TNRC18: variants seen among roughly 807,000 people sequenced by gnomAD.
The protein encoded by TNRC18 is trinucleotide repeat-containing gene 18 protein.
Under a neutral mutation model 226.7 loss-of-function variants are expected in TNRC18, and 69 were observed. The observed-to-expected ratio is 0.30, with a 90% CI of 0.25 to 0.37. The LOEUF (loss-of-function observed/expected upper bound fraction) is 0.37. Ranked by LOEUF, TNRC18 falls within the 10% of genes least tolerant of loss-of-function variation. The pLI is 1.00. For missense variants in TNRC18, 4,754 were observed against 4,256.6 expected (o/e 1.12, Z -3.25); for synonymous variants, 2,449 against 1,927.6 (o/e 1.27, Z -7.09).
In TNRC18 at chr7:5,332,834, C is replaced by T. The variant is rs1003577671; in HGVS notation, c.5935G>A (p.Glu1979Lys). The T allele has an allele frequency of 6.6e-7, 1 of 1,508,988 alleles. No individual in the cohort carries two copies. The highest frequency in any genetic ancestry group is 8.8e-7 in the Non-Finnish European group (1 of 1,137,916). 93.5% of individuals were successfully genotyped at this position (1,508,988 alleles called of 1,614,324 possible). A position where few individuals can be genotyped will look rare whatever the true frequency, so the allele number is the denominator to read the frequency against. The change falls in exon 19 of 30, where the codon GAG (glutamate) becomes AAG (lysine). Residue 1979 changes from glutamate (E) to lysine (K), a missense_variant. Glu to Lys is a moderately conservative substitution (Grantham distance 56, BLOSUM62 1). Coordinates refer to ENST00000430969, the MANE Select transcript of TNRC18 (RefSeq NM_001080495.3). ...TCGGGCCCCGCCTCGAAGCCAGGCTCCTTGGGGCCCCGCAGCTTCCGGGCC... is the reference window on the plus strand; with the variant it reads ...TCGGGCCCCGCCTCGAAGCCAGGCTTCTTGGGGCCCCGCAGCTTCCGGGCC... ...RKARKLRGPK[E>K]PGFEAGPEAS...
In TNRC18 at chr7:5,345,763, C is replaced by T; in HGVS notation, c.5518G>A (p.Asp1840Asn). The change falls in exon 18 of 30, where the codon GAC becomes AAC. Residue 1840 changes from aspartate (D) to asparagine (N), a missense_variant. Coordinates refer to ENST00000430969, the MANE Select transcript of TNRC18 (RefSeq NM_001080495.3). ...EDEEEELEEE[D>N]EASGGGYRLG... ...CTGTAGCCACCACCGCTGGCCTCGTCCTCCTCCTCGAGCTCCTCCTCCTCG... is the reference window on the plus strand; with the variant it reads ...CTGTAGCCACCACCGCTGGCCTCGTTCTCCTCCTCGAGCTCCTCCTCCTCG... The T allele has an allele frequency of 1.3e-6, 2 of 1,547,328 alleles. No homozygotes were observed. The highest frequency in any genetic ancestry group is 2.4e-5 in the South Asian group (2 of 83,542).
intron 15 of TNRC18, among the ~76,000 whole-genome samples, chr7:5,358,286 C>T (rs916200752): frequency 1.3e-5 from 2 of 152,126 alleles, no homozygotes; most frequent in Admixed American, 6.5e-5. Flanking sequence ...TTTGTTGAAG[C>T]GAAACACGCA....
intron 21 of TNRC18, among the ~76,000 whole-genome samples, chr7:5,322,594 C>G (rs532849888): frequency 2.6e-4 from 40 of 152,368 alleles, no homozygotes; most frequent in African/African-American, 9.4e-4. Flanking sequence ...ACCCCACCTA[C>G]CTCTGAGACT....
chr7:5,360,645 G>A (rs935966123), intron 14 of TNRC18, among the ~76,000 whole-genome samples: 4 of 152,140 alleles, frequency 2.6e-5, no homozygotes, highest in Non-Finnish European at 4.4e-5. Flanking sequence ...TTTAACCAGT[G>A]CAGGCCACAC....
rs768261389 is a variant in TNRC18 at position 5,313,442 on chromosome 7, G to C, written c.7449C>G (p.Leu2483=). ...AGCCCCCCGCCCCCGGATCCTCCCG[G>C]AGCAGCAGGGCCTCTTTAGCCTTCT... ...KSKKAKEALL[L]REDPGAGGWQ... The change falls in exon 27 of 30, where the codon CTC becomes CTG. Residue 2483 remains leucine, a synonymous_variant. Coordinates refer to ENST00000430969, the MANE Select transcript of TNRC18 (RefSeq NM_001080495.3). The C allele has an allele frequency of 2.5e-6, 4 of 1,611,602 alleles. No individual in the cohort carries two copies. The highest frequency in any genetic ancestry group is 3.4e-6 in the Non-Finnish European group (4 of 1,179,126).
At chr7:5,404,140 AG>A (rs1245405222) in intron 2 of TNRC18, among the ~76,000 whole-genome samples, 2 of 152,238 alleles carry the variant, frequency 1.3e-5, no homozygotes, top group Non-Finnish European at 2.9e-5. Context: ...TGGGAGGCCA[AG>A]GCGGTTCGAT....
At chr7:5,333,153 A>G (rs1789732328) in intron 18 of TNRC18, 104 bp from the exon 19 acceptor site, 2 of 1,289,472 alleles carry the variant, frequency 1.6e-6, no homozygotes, top group South Asian at 2.6e-5. Context: ...CTCCCCGCCA[A>G]TGGCAGCGCT....
At position 5,377,470 on chromosome 7, in the gene TNRC18, A is replaced by G; in HGVS notation, c.2362T>C (p.Ser788Pro). The change falls in exon 7 of 30, where the codon TCA becomes CCA. Residue 788 changes from serine to proline, a missense_variant. Physicochemically the swap from Ser to Pro is moderately conservative, Grantham distance 74 (BLOSUM62 -1). Coordinates refer to ENST00000430969, the MANE Select transcript of TNRC18 (RefSeq NM_001080495.3). The surrounding 1 kb of genome is among the most constrained non-coding windows in gnomAD (Gnocchi z 5.8). Reference protein sequence around the residue: ...MVTGGPALAGSGRWSADPAAH... With the variant: ...MVTGGPALAGPGRWSADPAAH... The stretch of plus-strand genomic sequence containing the variant: ...GCGGGGTCGGCAGACCAGCGACCTG[A>G]GCCCGCCAGCGCCGGGCCCCCCGTC... The G allele has an allele frequency of 6.3e-7, 1 of 1,575,722 alleles. No individual in the cohort carries two copies. Among genetic ancestry groups the G allele is most frequent in the Non-Finnish European group, 8.6e-7 (1 of 1,162,144 alleles).
rs1780596387 is a variant in TNRC18 at position 5,395,323 on chromosome 7, C to T, written c.188-728G>A. Among the ~76,000 whole-genome samples, 4 of 152,192 alleles carry T rather than the reference C, an allele frequency of 2.6e-5. No individual in the cohort carries two copies. In the South Asian group the frequency reaches 8.3e-4, roughly 32 times the overall value. ...GGGAGCCCCGTGGAGGGCAACCCCT[C>T]CAGACAGCAGGCCCCACCCCGGGGT... On this transcript the variant is annotated intron_variant, in intron 2 of 29. Transcript: ENST00000430969.
Position 5,313,551 on chromosome 7 carries a change from C to G in TNRC18, c.7340G>C (p.Gly2447Ala), listed in dbSNP as rs1354665990. 2 of 1,608,964 alleles carry G rather than the reference C, an allele frequency of 1.2e-6. No individual in the cohort carries two copies. Among genetic ancestry groups the G allele is most frequent in the Non-Finnish European group, 1.7e-6 (2 of 1,178,032 alleles). The change falls in exon 27 of 30, where the codon GGT becomes GCT. Residue 2447 changes from glycine (G) to alanine (A), a missense_variant. Gly to Ala is a moderately conservative substitution (Grantham distance 60, BLOSUM62 0). Coordinates refer to ENST00000430969, the MANE Select transcript of TNRC18 (RefSeq NM_001080495.3). ...PKKARAAEES[G>A]AKGPRRPGEE... ...CCCCGGCCTCCGAGGGCCCTTGGCA[C>G]CCGACTCCTCGGCTGCCCGCGCCTT... is the stretch of plus-strand genomic sequence containing the variant.
chr7:5,422,442 A>G (rs1782639634), intron 1 of TNRC18, among the ~76,000 whole-genome samples: 1 of 151,220 alleles, frequency 6.6e-6, no homozygotes, highest in South Asian at 2.1e-4. Context: ...TTCCAGGTTA[A>G]AGCTGTTTGT....
intron 19 of TNRC18, among the ~76,000 whole-genome samples, chr7:5,332,022 G>A (rs1462465496): frequency 6.6e-6 from 1 of 152,116 alleles, no homozygotes; most frequent in Non-Finnish European, 1.5e-5. Context: ...ATCACAGAAG[G>A]GTCTTTTCAA....
At chr7:5,345,463 A>C in intron 18 of TNRC18, 99 bp downstream of exon 18, 1 of 1,213,684 alleles carries the variant, frequency 8.2e-7, no homozygotes, top group Non-Finnish European at 1.1e-6. Flanking sequence ...CCAGCTCTGC[A>C]CCTGCATCTC....
At chr7:5,362,268 C>T (rs1051633152) in intron 12 of TNRC18, among the ~76,000 whole-genome samples, 9 of 152,252 alleles carry the variant, frequency 5.9e-5, no homozygotes, top group African/African-American at 2.2e-4. Context: ...AAGCACAGTG[C>T]TTGCGTGTGA....
At chr7:5,420,844 G>A (rs934626698) in intron 2 of TNRC18, 12 of 730,892 alleles carry the variant, frequency 1.6e-5, no homozygotes, top group Middle Eastern at 2.3e-4. Context: ...CGAGGGCCAA[G>A]CACGCTACGG....
In TNRC18 at chr7:5,308,864, C is replaced by A; in HGVS notation, c.8700+11G>T. ...CCCAACCCGCCCACCACCACCACCACCACCACCTACCTCCATGAAGTCCTT... is the reference window on the plus strand; with the variant it reads ...CCCAACCCGCCCACCACCACCACCAACACCACCTACCTCCATGAAGTCCTT... On this transcript the variant is annotated intron_variant, in intron 29 of 29. Coordinates refer to ENST00000430969, the MANE Select transcript of TNRC18 (RefSeq NM_001080495.3). The A allele has an allele frequency of 1.9e-6, 3 of 1,575,514 alleles. No homozygotes were observed. The highest frequency in any genetic ancestry group is 2.6e-6 in the Non-Finnish European group (3 of 1,161,776).
chr7:5,378,050 C>A (rs745709367), intron 5 of TNRC18, 26 bp from the exon 6 acceptor site: 142 of 1,589,660 alleles, frequency 8.9e-5, no homozygotes, highest in Non-Finnish European at 1.1e-4. Context: ...TGGAAGTGAG[C>A]CCCCAGCCAG....
chr7:5,359,646 G>GA, intron 14 of TNRC18, 77 bp from the exon 15 acceptor site: 1 of 1,570,754 alleles, frequency 6.4e-7, no homozygotes, highest in Middle Eastern at 1.7e-4. Context: ...TCATGGCCCT[G>GA]AAGGGTTGGG....
intron 2 of TNRC18, among the ~76,000 whole-genome samples, chr7:5,409,279 C>T (rs1331209338): frequency 1.3e-5 from 2 of 151,634 alleles, no homozygotes; most frequent in South Asian, 2.1e-4. Context: ...AAGAAGAAAA[C>T]GCCAGGGGAA....
Sources: allele counts gnomAD v4.1 joint callset (sites outside exome capture counted in the v4.1 genomes callset), GRCh38; gene constraint gnomAD v4.1.1; non-coding constraint Gnocchi (gnomAD v3.1); transcripts MANE v1.5; gene names NCBI Gene and HGNC (gene_info 2026-07-23, HGNC 2026-07-21).